Variants in EYS observed in about 807,000 individuals in gnomAD.
EYS encodes protein eyes shut homolog.
EYS carries 250 observed loss-of-function variants against 282.1 expected under a neutral mutation model. That is an observed-to-expected ratio of 0.89 (90% CI 0.80 to 0.98). EYS has a LOEUF of 0.98. Ranked by LOEUF, EYS falls within the 50% of genes least tolerant of loss-of-function variation. The probability of loss-of-function intolerance (pLI) is 0.00; values close to 1 mark genes in which losing one functional copy is unlikely to be tolerated. For synonymous variants in EYS, 1,355 were observed against 1,282.9 expected, an observed-to-expected ratio of 1.06 and a Z score of -1.20; for missense variants, 4,016 against 3,709.0, an observed-to-expected ratio of 1.08 and a Z score of -2.15.
intron 21 of EYS, among the ~76,000 whole-genome samples, chr6:64,813,916 T>G (rs1166306828): frequency 1.3e-5 from 2 of 152,084 alleles, no homozygotes; most frequent in Non-Finnish European, 2.9e-5. Flanking sequence ...TGGCCCTTAG[T>G]GTCTACCATA....
At chr6:64,531,399 T>A (rs1308719383) in intron 26 of EYS, among the ~76,000 whole-genome samples, 1 of 150,350 alleles carries the variant, frequency 6.7e-6, no homozygotes, top group Non-Finnish European at 1.5e-5. Flanking sequence ...TTTTGTTTTT[T>A]TTTTTTGAGA....
intron 36 of EYS, among the ~76,000 whole-genome samples, chr6:63,814,545 C>T (rs1474408166): frequency 6.6e-6 from 1 of 152,110 alleles, no homozygotes; most frequent in Non-Finnish European, 1.5e-5. Flanking sequence ...TAAGAACAAA[C>T]AGAGTTTTAC....
chr6:63,837,867 A>G (rs1383117562), intron 36 of EYS, among the ~76,000 whole-genome samples: 1 of 152,154 alleles, frequency 6.6e-6, no homozygotes, highest in African/African-American at 2.4e-5. Context: ...TGAAGAGTTT[A>G]CGTAAGATTG....
intron 5 of EYS, among the ~76,000 whole-genome samples, chr6:65,438,272 T>C (rs1234875249): frequency 6.6e-6 from 1 of 152,044 alleles, no homozygotes; most frequent in East Asian, 1.9e-4. Flanking sequence ...GACATTTGGG[T>C]TGGTTCCAAG....
At chr6:64,063,681 G>A (rs72876819) in intron 33 of EYS, among the ~76,000 whole-genome samples, 3 of 151,954 alleles carry the variant, frequency 2.0e-5, no homozygotes, top group Admixed American at 6.6e-5. Flanking sequence ...TGTTCTTTGC[G>A]GTCTCTGAAT....
intron 28 of EYS, among the ~76,000 whole-genome samples, chr6:64,403,652 C>A (rs1490455536): frequency 6.6e-6 from 1 of 152,046 alleles, no homozygotes; most frequent in Non-Finnish European, 1.5e-5. Context: ...CTACTGTGCC[C>A]ACCCTGAAAG....
intron 11 of EYS, among the ~76,000 whole-genome samples, chr6:65,333,626 T>C (rs147718344): frequency 0.011 from 1,634 of 151,556 alleles, 17 homozygotes; most frequent in Admixed American, 0.018. Context: ...CTATTGAAAG[T>C]AGAATATTAG....
intron 2 of EYS, among the ~76,000 whole-genome samples, chr6:65,598,834 C>T (rs147425994): frequency 2.3e-4 from 35 of 152,146 alleles, no homozygotes; most frequent in African/African-American, 7.2e-4. Context: ...TATCCTTGAA[C>T]GTATTATTTA....
chr6:63,841,523 A>T (rs895413051), intron 36 of EYS, among the ~76,000 whole-genome samples: 1 of 152,230 alleles, frequency 6.6e-6, no homozygotes, highest in Non-Finnish European at 1.5e-5. Flanking sequence ...CACTTAGAAC[A>T]GTGTCCGTAT....
intron 28 of EYS, among the ~76,000 whole-genome samples, chr6:64,424,592 T>C (rs532922668): frequency 6.6e-6 from 1 of 152,342 alleles, no homozygotes; most frequent in African/African-American, 2.4e-5. Context: ...TGTGGCTCAC[T>C]CTAAGATTGC....
chr6:65,636,468 T>A (rs1767094168), intron 2 of EYS, among the ~76,000 whole-genome samples: 1 of 152,224 alleles, frequency 6.6e-6, no homozygotes, highest in South Asian at 2.1e-4. Flanking sequence ...ACTAGCTACA[T>A]GGATATCTCT....
intron 31 of EYS, among the ~76,000 whole-genome samples, chr6:64,111,178 TAA>T (rs1186333732): frequency 2.0e-5 from 3 of 152,010 alleles, no homozygotes; most frequent in Non-Finnish European, 4.4e-5. Flanking sequence ...TTACAAAAAG[TAA>T]AATTCACTCT....
chr6:63,862,677 AATTAT>A (rs1772564295), intron 36 of EYS, among the ~76,000 whole-genome samples: 1 of 152,204 alleles, frequency 6.6e-6, no homozygotes, highest in Non-Finnish European at 1.5e-5. Flanking sequence ...TATTATAACC[AATTAT>A]ATTTTTTCAA....
chr6:64,332,697 G>A (rs1168017364), intron 29 of EYS, among the ~76,000 whole-genome samples: 1 of 152,154 alleles, frequency 6.6e-6, no homozygotes, highest in African/African-American at 2.4e-5. Context: ...ACTGGAGGCT[G>A]GTCGGTCCAC....
At chr6:64,298,800 C>T (rs1769129622) in intron 30 of EYS, among the ~76,000 whole-genome samples, 2 of 151,820 alleles carry the variant, frequency 1.3e-5, no homozygotes, top group Admixed American at 1.3e-4. Context: ...GATCTAAAAC[C>T]ACAAATATTA....
rs576769854 is a variant in EYS at position 65,083,727 on chromosome 6, AT to A, written c.2024-26001del. Among the ~76,000 whole-genome samples, 230 of 151,994 alleles carry A rather than the reference AT, an allele frequency of 1.5e-3. 2 individuals are homozygous for A. Among genetic ancestry groups the A allele is most frequent in the African/African-American group, 5.2e-3 (215 of 41,522 alleles). On this transcript the variant is annotated intron_variant, in intron 12 of 42. Coordinates refer to ENST00000503581, the MANE Select transcript of EYS (RefSeq NM_001142800.2). The stretch of plus-strand genomic sequence containing the variant: ...TGAGAGTAAACATTGAACCAAAAAA[AT>A]ATTCCTTTTATTGAGACTGGTCTCT...
chr6:64,243,730 T>C (rs571618168), intron 30 of EYS, among the ~76,000 whole-genome samples: 1 of 152,304 alleles, frequency 6.6e-6, no homozygotes, highest in East Asian at 1.9e-4. Flanking sequence ...TAAACAAAAC[T>C]AAAATACAAC....
At chr6:65,232,417 A>C (rs1766806516) in intron 12 of EYS, among the ~76,000 whole-genome samples, 1 of 151,754 alleles carries the variant, frequency 6.6e-6, no homozygotes, top group African/African-American at 2.4e-5. Context: ...TCTTATAATT[A>C]ATCTTTCAAT....
At chr6:65,298,559 T>C (rs759424011) in intron 11 of EYS, among the ~76,000 whole-genome samples, 9 of 151,992 alleles carry the variant, frequency 5.9e-5, no homozygotes, top group Non-Finnish European at 1.0e-4. Context: ...TGTGTACTCG[T>C]CTTTTTAAAA....
Sources: gnomAD v4.1 joint callset for allele counts (sites outside exome capture counted in the v4.1 genomes callset) on GRCh38, gnomAD v4.1.1 for gene constraint, MANE v1.5 for transcripts, NCBI Gene and HGNC (gene_info 2026-07-23, HGNC 2026-07-21) for gene names.